Variants in SLC6A11 observed in about 807,000 individuals in gnomAD.
SLC6A11 encodes sodium- and chloride-dependent GABA transporter 3.
SLC6A11 carries 25 observed loss-of-function variants against 74.8 expected under a neutral mutation model. That is an observed-to-expected ratio of 0.33 (90% CI 0.24 to 0.47). The LOEUF (loss-of-function observed/expected upper bound fraction) is 0.47. SLC6A11 is among the 20% of genes least tolerant of loss of function. SLC6A11 has a pLI of 1.00. For synonymous variants in SLC6A11, 330 were observed against 330.2 expected (o/e 1.00, Z 0.01); for missense variants, 574 against 837.0 (o/e 0.69, Z 3.88).
chr3:10,883,137 A>G (rs1695003058), intron 6 of SLC6A11, among the ~76,000 whole-genome samples: 1 of 152,326 alleles, frequency 6.6e-6, no homozygotes, highest in East Asian at 1.9e-4. Context: ...CTCGTCAAGA[A>G]CTTGAAGCGA....
At chr3:10,854,105 C>A (rs561001136) in intron 5 of SLC6A11, among the ~76,000 whole-genome samples, 5 of 152,158 alleles carry the variant, frequency 3.3e-5, no homozygotes, top group African/African-American at 1.2e-4. Context: ...TATTTCTAAG[C>A]AAAAGAATAG....
intron 6 of SLC6A11, among the ~76,000 whole-genome samples, chr3:10,906,297 C>T (rs1022848687): frequency 3.9e-5 from 6 of 152,090 alleles, no homozygotes; most frequent in East Asian, 1.9e-4. Flanking sequence ...CTCACCCAAA[C>T]GAGAAACAAG....
chr3:10,823,021 A>C (rs931776145), intron 3 of SLC6A11, among the ~76,000 whole-genome samples: 2 of 152,168 alleles, frequency 1.3e-5, no homozygotes, highest in African/African-American at 4.8e-5. Flanking sequence ...AAATAAAAGA[A>C]GATTTGGGAA....
intron 6 of SLC6A11, among the ~76,000 whole-genome samples, chr3:10,896,014 C>G (rs1435641171): frequency 1.3e-5 from 2 of 152,248 alleles, no homozygotes; most frequent in Admixed American, 1.3e-4. Context: ...AGGTAAATGC[C>G]TGCAGAGAGA....
At chr3:10,820,551 A>C (rs897296466) in intron 3 of SLC6A11, among the ~76,000 whole-genome samples, 1 of 152,168 alleles carries the variant, frequency 6.6e-6, no homozygotes, top group Non-Finnish European at 1.5e-5. Flanking sequence ...AACCCAGCTG[A>C]CATTTGAATT....
chr3:10,823,506 T>C (rs1694164414), intron 4 of SLC6A11, 114 bp downstream of exon 4: 4 of 714,888 alleles, frequency 5.6e-6, no homozygotes, highest in Non-Finnish European at 7.6e-6. Context: ...AGCCTGGCAC[T>C]TCCTGGCTTC....
At chr3:10,869,910 G>A (rs973197871) in intron 5 of SLC6A11, among the ~76,000 whole-genome samples, 1 of 152,164 alleles carries the variant, frequency 6.6e-6, no homozygotes, top group African/African-American at 2.4e-5. Context: ...GATCTAGTTG[G>A]CAAGACTTGA....
chr3:10,931,529 G>A (rs1202111145), intron 10 of SLC6A11, among the ~76,000 whole-genome samples: 1 of 152,176 alleles, frequency 6.6e-6, no homozygotes, highest in Non-Finnish European at 1.5e-5. Context: ...CCCAGGCCAG[G>A]CATGGCCCGC....
Position 10,919,083 on chromosome 3 carries a change from G to C in SLC6A11, c.1120+630G>C, listed in dbSNP as rs116197145. 2.6e-5 allele frequency among the ~76,000 whole-genome samples: 4 copies of C among 152,004 alleles called. No individual in the cohort carries two copies. In the South Asian group the frequency reaches 8.3e-4, roughly 32 times the overall value. On this transcript the variant is annotated intron_variant, in intron 8 of 13. Transcript: ENST00000254488. ...CACATGCTTCCCCTTTGCTTGGAGA[G>C]CACCTCTCCCTCCCTCCCTTTCCCT...
intron 4 of SLC6A11, among the ~76,000 whole-genome samples, chr3:10,843,257 C>T (rs947118986): frequency 6.6e-6 from 1 of 152,136 alleles, no homozygotes; most frequent in African/African-American, 2.4e-5. Flanking sequence ...TAGCTTAGCT[C>T]ACCCGGAGTC....
chr3:10,855,629 G>A (rs961973604), intron 5 of SLC6A11, among the ~76,000 whole-genome samples: 3 of 152,176 alleles, frequency 2.0e-5, no homozygotes, highest in African/African-American at 7.2e-5. Context: ...ACCATGTCCT[G>A]TGCCAGGCAC....
At chr3:10,912,044 C>T in intron 6 of SLC6A11, 46 bp from the exon 7 acceptor site, 1 of 1,291,866 alleles carries the variant, frequency 7.7e-7, no homozygotes, top group South Asian at 1.2e-5. Flanking sequence ...CCTCTCACCA[C>T]ACATCTGACT....
At chr3:10,849,876 C>A (rs1330327180) in intron 5 of SLC6A11, among the ~76,000 whole-genome samples, 1 of 148,318 alleles carries the variant, frequency 6.7e-6, no homozygotes, top group Non-Finnish European at 1.5e-5. Flanking sequence ...TTTTGGTAGG[C>A]CTTAATCCAA....
intron 5 of SLC6A11, among the ~76,000 whole-genome samples, chr3:10,851,275 C>G: frequency 6.6e-6 from 1 of 152,086 alleles, no homozygotes; most frequent in East Asian, 1.9e-4. Flanking sequence ...GTCCCTTCCC[C>G]GCCTCCTCCT....
At chr3:10,925,262 T>C (rs1695588127) in intron 8 of SLC6A11, among the ~76,000 whole-genome samples, 1 of 152,262 alleles carries the variant, frequency 6.6e-6, no homozygotes, top group African/African-American at 2.4e-5. Context: ...ATTTACCTGC[T>C]TCAGTGCTTT....
At chr3:10,934,847 C>G (rs13062556) in intron 12 of SLC6A11, among the ~76,000 whole-genome samples, 182 bp from the exon 13 acceptor site, 2,980 of 152,338 alleles carry the variant, frequency 0.02, 53 homozygotes, top group Admixed American at 0.032. Context: ...GAATGGGGCT[C>G]TAGCCTGCTG....
chr3:10,893,725 G>C (rs1345462336), intron 6 of SLC6A11, among the ~76,000 whole-genome samples: 1 of 152,080 alleles, frequency 6.6e-6, no homozygotes, highest in African/African-American at 2.4e-5. Context: ...TTGTGGGTTG[G>C]TTCTACCTGC....
intron 6 of SLC6A11, among the ~76,000 whole-genome samples, chr3:10,907,241 T>C (rs2581209): frequency 0.21 from 32,242 of 151,846 alleles, 3,640 homozygotes; most frequent in Middle Eastern, 0.28. Flanking sequence ...AGAAAAACTA[T>C]TTCAGAAAAA....
chr3:10,893,798 T>C (rs1246651593), intron 6 of SLC6A11, among the ~76,000 whole-genome samples: 2 of 152,220 alleles, frequency 1.3e-5, no homozygotes, highest in African/African-American at 4.8e-5. Flanking sequence ...CACAGACCTT[T>C]CTAGCCCCCA....
Sources: allele counts gnomAD v4.1 joint callset (sites outside exome capture counted in the v4.1 genomes callset), GRCh38; gene constraint gnomAD v4.1.1; transcripts MANE v1.5; gene names NCBI Gene and HGNC (gene_info 2026-07-23, HGNC 2026-07-21).